The following CADPS2 variants were observed in gnomAD, a reference collection of about 807,000 sequenced individuals.
The protein encoded by CADPS2 is calcium-dependent secretion activator 2.
Under a neutral mutation model 172.5 loss-of-function variants are expected in CADPS2, and 93 were observed. That is an observed-to-expected ratio of 0.54 (90% CI 0.46 to 0.64). The LOEUF (loss-of-function observed/expected upper bound fraction) is 0.64. CADPS2 is among the 30% of genes least tolerant of loss of function. The pLI is 0.00. For synonymous variants in CADPS2, 546 were observed against 555.2 expected, an observed-to-expected ratio of 0.98 and a Z score of 0.23; for missense variants, 1,420 against 1,565.9, an observed-to-expected ratio of 0.91 and a Z score of 1.57.
At chr7:122,580,193 G>T (rs1317222903) in intron 7 of CADPS2, among the ~76,000 whole-genome samples, 1 of 152,042 alleles carries the variant, frequency 6.6e-6, no homozygotes. Flanking sequence ...GGTGGCTTAT[G>T]CTTGTAATCC....
Position 122,601,403 on chromosome 7 carries a change from C to G in CADPS2, c.1223+13778G>C, listed in dbSNP as rs9918712. On this transcript the variant is annotated intron_variant, in intron 6 of 29. Transcript: ENST00000449022. ...GACTTCACATCTTCGCCAACCAGATCCATCTTGCATTTTATGTAATAAGGA... is the reference window on the plus strand; with the variant it reads ...GACTTCACATCTTCGCCAACCAGATGCATCTTGCATTTTATGTAATAAGGA... Among the ~76,000 whole-genome samples the G allele has an allele frequency of 7.7e-3, 1,172 of 152,084 alleles. 16 individuals are homozygous for G. The highest frequency in any genetic ancestry group is 0.027 in the African/African-American group (1,133 of 41,522).
At chr7:122,390,855 A>T (rs1335256708) in intron 22 of CADPS2, among the ~76,000 whole-genome samples, 1 of 152,030 alleles carries the variant, frequency 6.6e-6, no homozygotes, top group Admixed American at 6.6e-5. Context: ...AAAGAATTCG[A>T]ATGTGAGTAG....
intron 2 of CADPS2, among the ~76,000 whole-genome samples, chr7:122,715,312 A>C (rs905019776): frequency 3.9e-5 from 6 of 152,074 alleles, no homozygotes; most frequent in African/African-American, 1.4e-4. Flanking sequence ...TTTGGCAGCC[A>C]ATGTCCCTAG....
chr7:122,689,435 G>C (rs1037551856), intron 2 of CADPS2, among the ~76,000 whole-genome samples: 2 of 152,194 alleles, frequency 1.3e-5, no homozygotes, highest in African/African-American at 4.8e-5. Context: ...GGCCCGAGCT[G>C]TGTGCTCTGC....
intron 1 of CADPS2, among the ~76,000 whole-genome samples, chr7:122,873,254 G>T (rs913801986): frequency 3.3e-5 from 5 of 152,104 alleles, no homozygotes; most frequent in Admixed American, 3.3e-4. Flanking sequence ...GCATACACAT[G>T]CCATAGTGGT....
intron 27 of CADPS2, 36 bp downstream of exon 27, chr7:122,360,752 C>A: frequency 6.5e-7 from 1 of 1,531,322 alleles, no homozygotes; most frequent in Non-Finnish European, 8.8e-7. Flanking sequence ...TTAAAGAATT[C>A]CATACAGTTT....
chr7:122,614,942 C>T (rs1304566969), intron 6 of CADPS2, among the ~76,000 whole-genome samples: 2 of 152,176 alleles, frequency 1.3e-5, no homozygotes, highest in Non-Finnish European at 2.9e-5. Flanking sequence ...TAATGATTAG[C>T]TTTGCATTTG....
chr7:122,679,264 CT>C (rs2082721410), intron 2 of CADPS2, among the ~76,000 whole-genome samples: 1 of 14,734 alleles, frequency 6.8e-5, no homozygotes, highest in Admixed American at 1.2e-3. Flanking sequence ...GAATGCATTC[CT>C]GGGGGGGGGG....
intron 3 of CADPS2, 41 bp downstream of exon 3, chr7:122,663,196 C>A (rs957106566): frequency 7.3e-7 from 1 of 1,374,684 alleles, no homozygotes; most frequent in South Asian, 1.3e-5. Flanking sequence ...GTTCATTCCA[C>A]GAGTCAGACA....
chr7:122,587,273 A>G (rs1408205656), intron 6 of CADPS2, among the ~76,000 whole-genome samples: 1 of 151,382 alleles, frequency 6.6e-6, no homozygotes, highest in Non-Finnish European at 1.5e-5. Flanking sequence ...CTCCCATCCC[A>G]CCCCATGACA....
intron 3 of CADPS2, among the ~76,000 whole-genome samples, chr7:122,636,424 C>T (rs2077064891): frequency 6.6e-6 from 1 of 151,478 alleles, no homozygotes; most frequent in Admixed American, 6.6e-5. Flanking sequence ...AAAACAGGCC[C>T]CCATCCTCTT....
chr7:122,843,741 G>C (rs956349193), intron 1 of CADPS2, among the ~76,000 whole-genome samples: 2 of 152,164 alleles, frequency 1.3e-5, no homozygotes, highest in Non-Finnish European at 2.9e-5. Flanking sequence ...TAGAAAAAAG[G>C]AGAGCTGACT....
At chr7:122,671,316 G>A (rs1488641192) in intron 2 of CADPS2, among the ~76,000 whole-genome samples, 1 of 152,176 alleles carries the variant, frequency 6.6e-6, no homozygotes. Flanking sequence ...TGAATGAGTG[G>A]TTTGGATGGT....
At chr7:122,410,006 G>C (rs1167725702) in intron 19 of CADPS2, among the ~76,000 whole-genome samples, 1 of 152,160 alleles carries the variant, frequency 6.6e-6, no homozygotes, top group Non-Finnish European at 1.5e-5. Flanking sequence ...TTGCTTAAGA[G>C]GGAAATATAA....
chr7:122,640,185 T>C (rs2134466601), intron 3 of CADPS2, among the ~76,000 whole-genome samples: 1 of 151,994 alleles, frequency 6.6e-6, no homozygotes, highest in Middle Eastern at 3.4e-3. Flanking sequence ...CCACCTAGAG[T>C]CATGTAGAGC....
At chr7:122,751,053 C>T (rs527275439) in intron 1 of CADPS2, among the ~76,000 whole-genome samples, 20 of 152,226 alleles carry the variant, frequency 1.3e-4, no homozygotes, top group African/African-American at 4.8e-4. Context: ...ATTTTTAAAT[C>T]AGGCTTTCAC....
chr7:122,844,125 G>C (rs980647744), intron 1 of CADPS2, among the ~76,000 whole-genome samples: 2 of 152,160 alleles, frequency 1.3e-5, no homozygotes, highest in African/African-American at 4.8e-5. Flanking sequence ...CTCCTCACAC[G>C]GCCCCACTAG....
chr7:122,524,941 G>T (rs2131131173), intron 8 of CADPS2, among the ~76,000 whole-genome samples: 1 of 152,112 alleles, frequency 6.6e-6, no homozygotes, highest in Middle Eastern at 3.4e-3. Flanking sequence ...TGAGCCAAGG[G>T]GCTTGAGACC....
chr7:122,551,399 T>C (rs754731029), intron 8 of CADPS2, among the ~76,000 whole-genome samples: 2 of 152,030 alleles, frequency 1.3e-5, no homozygotes, highest in South Asian at 2.1e-4. Context: ...AGAATTCAAA[T>C]AGGTCTAAGA....
Sources: gnomAD v4.1 joint callset for allele counts (sites outside exome capture counted in the v4.1 genomes callset) on GRCh38, gnomAD v4.1.1 for gene constraint, MANE v1.5 for transcripts, NCBI Gene and HGNC (gene_info 2026-07-23, HGNC 2026-07-21) for gene names.